RPTOR: variants seen among roughly 807,000 people sequenced by gnomAD.
RPTOR encodes the protein regulatory associated protein of MTOR complex 1, also known as regulatory-associated protein of mTOR.
Under a neutral mutation model 169.9 loss-of-function variants are expected in RPTOR, and 21 were observed. That is an observed-to-expected ratio of 0.12 (90% CI 0.09 to 0.18). RPTOR has a LOEUF of 0.18. Ranked by LOEUF, RPTOR falls within the 10% of genes least tolerant of loss-of-function variation. RPTOR has a pLI of 1.00. For synonymous variants in RPTOR, 732 were observed against 753.2 expected (o/e 0.97, Z 0.46); for missense variants, 1,133 against 1,855.9 (o/e 0.61, Z 7.16).
At chr17:80,697,778 A>T (rs2066049584) in intron 3 of RPTOR, among the ~76,000 whole-genome samples, 2 of 152,180 alleles carry the variant, frequency 1.3e-5, no homozygotes, top group Admixed American at 1.3e-4. Flanking sequence ...GGTTTGTCTC[A>T]GGGGCCGGTG....
intron 9 of RPTOR, among the ~76,000 whole-genome samples, chr17:80,824,327 A>T (rs572744187): frequency 2.6e-5 from 4 of 152,368 alleles, no homozygotes; most frequent in Non-Finnish European, 5.9e-5. Flanking sequence ...GAAGTAAACC[A>T]TTTAAATAAT....
chr17:80,672,962 T>C (rs1033103252), intron 3 of RPTOR, among the ~76,000 whole-genome samples: 1 of 152,176 alleles, frequency 6.6e-6, no homozygotes, highest in Non-Finnish European at 1.5e-5. Flanking sequence ...AATCTCATTC[T>C]GTCACCCAGG....
intron 10 of RPTOR, among the ~76,000 whole-genome samples, chr17:80,843,020 G>T (rs1295235540): frequency 6.6e-6 from 1 of 152,174 alleles, no homozygotes; most frequent in African/African-American, 2.4e-5. Context: ...CACTTTCTAA[G>T]CTGGTAGACT....
At chr17:80,573,765 A>AT in intron 1 of RPTOR, among the ~76,000 whole-genome samples, 1 of 152,244 alleles carries the variant, frequency 6.6e-6, no homozygotes, top group South Asian at 2.1e-4. Context: ...CCGTGGTTTC[A>AT]TGCTGGTCTT....
chr17:80,807,748 CTTG>C (rs2067234040), intron 7 of RPTOR, among the ~76,000 whole-genome samples: 1 of 151,922 alleles, frequency 6.6e-6, no homozygotes, highest in African/African-American at 2.4e-5. Flanking sequence ...CTTCTGTTGG[CTTG>C]TTAATTTTAT....
intron 1 of RPTOR, among the ~76,000 whole-genome samples, chr17:80,585,243 C>T (rs1440038198): frequency 6.7e-6 from 1 of 148,226 alleles, no homozygotes; most frequent in African/African-American, 2.5e-5. Context: ...CTTGCTCTGT[C>T]GCCCAGGTTG....
At chr17:80,921,930 G>A (rs1156263733) in intron 21 of RPTOR, among the ~76,000 whole-genome samples, 3 of 152,222 alleles carry the variant, frequency 2.0e-5, no homozygotes, top group East Asian at 1.9e-4. Flanking sequence ...GCGTGCGCCC[G>A]TGGGAAAGGA....
In RPTOR at chr17:80,845,165, T is replaced by C. The variant is rs2067714189; in HGVS notation, c.1213-1308T>C. On this transcript the variant is annotated intron_variant, in intron 10 of 33. Transcript: ENST00000306801. The surrounding 1 kb of genome is among the most constrained non-coding windows in gnomAD (Gnocchi z 5.4). ...TCTCCAGCCGCAGGCCCAGCAGCCC[T>C]GCTGCCCACCTGCTCCATGGCACCC... Among the ~76,000 whole-genome samples the C allele has an allele frequency of 6.6e-6, 1 of 152,010 alleles. No individual in the cohort carries two copies. Among genetic ancestry groups the C allele is most frequent in the Admixed American group, 6.5e-5 (1 of 15,274 alleles).
At position 80,634,731 on chromosome 17, in the gene RPTOR, GTACTGTGTGTGTGCA is replaced by G. The variant is rs1412873549; in HGVS notation, c.265+8953_265+8967del. On this transcript the variant is annotated intron_variant, in intron 2 of 33. Coordinates refer to ENST00000306801, the MANE Select transcript of RPTOR (RefSeq NM_020761.3). ...GTGTGTGTGCGTACTGTGTGTGTGC[GTACTGTGTGTGTGCA>G]TACTGTGTGTGTGCGTACTGTGCGT... 3.6e-3 allele frequency among the ~76,000 whole-genome samples: 291 copies of G among 80,840 alleles called. 18 individuals are homozygous for G. Among genetic ancestry groups the G allele is most frequent in the African/African-American group, 0.017 (258 of 15,186 alleles). 53.0% of individuals were successfully genotyped at this position (80,840 alleles called of 152,430 possible).
intron 11 of RPTOR, among the ~76,000 whole-genome samples, chr17:80,847,152 G>A (rs1258725670): frequency 2.6e-5 from 4 of 152,268 alleles, no homozygotes; most frequent in African/African-American, 7.2e-5. Flanking sequence ...CCCTTGCACG[G>A]GGCTGTCACA....
chr17:80,842,123 CT>C, intron 10 of RPTOR, among the ~76,000 whole-genome samples: 1 of 152,292 alleles, frequency 6.6e-6, no homozygotes, highest in South Asian at 2.1e-4. Context: ...TCATGTGTCC[CT>C]TCTAGGGCCA....
intron 20 of RPTOR, among the ~76,000 whole-genome samples, chr17:80,901,899 T>C (rs1428820754): frequency 6.6e-6 from 1 of 151,650 alleles, no homozygotes; most frequent in Non-Finnish European, 1.5e-5. Context: ...CCCGTGGCAA[T>C]GAAGCCCCTT....
rs115640608 is a variant in RPTOR, at chr17:80,863,012, T to G, written c.1509+5112T>G. On this transcript the variant is annotated intron_variant, in intron 13 of 33. Coordinates refer to ENST00000306801, the MANE Select transcript of RPTOR (RefSeq NM_020761.3). Reference sequence around the variant, plus strand: ...GGGCGAGCCTGGGACCTCCCCTCATTTCCCAAGCACCTTTGGGGCACACCG... The same window carrying G: ...GGGCGAGCCTGGGACCTCCCCTCATGTCCCAAGCACCTTTGGGGCACACCG... Among the ~76,000 whole-genome samples the G allele has an allele frequency of 6.3e-3, 956 of 152,266 alleles. 6 individuals are homozygous for G. Among genetic ancestry groups the G allele is most frequent in the African/African-American group, 0.021 (893 of 41,546 alleles).
At chr17:80,696,033 G>A (rs2066033532) in intron 3 of RPTOR, among the ~76,000 whole-genome samples, 1 of 152,184 alleles carries the variant, frequency 6.6e-6, no homozygotes, top group Admixed American at 6.5e-5. Context: ...AGCCAAGGTG[G>A]CATCTGGCGA....
At chr17:80,602,991 T>G in intron 1 of RPTOR, 2 of 331,286 alleles carry the variant, frequency 6.0e-6, no homozygotes, top group South Asian at 6.2e-5. Context: ...CATTGGATGA[T>G]CATCCCAGAT....
At chr17:80,941,689 GA>G (rs2144041029) in intron 25 of RPTOR, 1 of 152,392 alleles carries the variant, frequency 6.6e-6, no homozygotes, top group African/African-American at 2.4e-5. Context: ...TAAAATTCTG[GA>G]GATTATTATG....
At chr17:80,550,463 C>T (rs2084331021) in intron 1 of RPTOR, among the ~76,000 whole-genome samples, 1 of 152,174 alleles carries the variant, frequency 6.6e-6, no homozygotes, top group African/African-American at 2.4e-5. Context: ...GTGCCCCTCC[C>T]TAGCAGATCT....
At chr17:80,826,771 TG>T (rs2143633525) in intron 9 of RPTOR, among the ~76,000 whole-genome samples, 1 of 152,322 alleles carries the variant, frequency 6.6e-6, no homozygotes, top group Admixed American at 6.5e-5. Context: ...TGGGCCCCCG[TG>T]CCGTCACCGC....
chr17:80,830,608 G>T (rs367829815), intron 9 of RPTOR, among the ~76,000 whole-genome samples: 80 of 152,326 alleles, frequency 5.3e-4, no homozygotes, highest in South Asian at 2.5e-3. Context: ...CAGTGGCTTC[G>T]AAAGGAGTTT....
Sources: allele counts gnomAD v4.1 joint callset (sites outside exome capture counted in the v4.1 genomes callset), GRCh38; gene constraint gnomAD v4.1.1; non-coding constraint Gnocchi (gnomAD v3.1); transcripts MANE v1.5; gene names NCBI Gene and HGNC (gene_info 2026-07-23, HGNC 2026-07-21).